BMAL1: variants seen among roughly 807,000 people sequenced by gnomAD.
The protein encoded by BMAL1 is basic helix-loop-helix ARNT-like protein 1.
the BMAL1 span, among the ~76,000 whole-genome samples, chr11:13,346,269 A>G: frequency 6.6e-6 from 1 of 152,228 alleles, no homozygotes; most frequent in Non-Finnish European, 1.5e-5. Context: ...CAGGCTGTGC[A>G]GAACCTTCCC....
At chr11:13,356,910 C>A in the BMAL1 span, 1 of 1,585,604 alleles carries the variant, frequency 6.3e-7, no homozygotes. Flanking sequence ...AGCCTGTGGG[C>A]GCTCACTGTG....
chr11:13,289,558 GA>G, the BMAL1 span, among the ~76,000 whole-genome samples: 1 of 152,112 alleles, frequency 6.6e-6, no homozygotes, highest in African/African-American at 2.4e-5. Context: ...ACAGGCCCCG[GA>G]GTGTGATGTT....
chr11:13,374,408 G>A, the BMAL1 span, among the ~76,000 whole-genome samples: 1 of 152,136 alleles, frequency 6.6e-6, no homozygotes, highest in African/African-American at 2.4e-5. Context: ...CTGACTGCAT[G>A]GCAGTTTCTG....
At chr11:13,309,362 G>A in the BMAL1 span, among the ~76,000 whole-genome samples, 1 of 152,168 alleles carries the variant, frequency 6.6e-6, no homozygotes, top group African/African-American at 2.4e-5. Context: ...CATCCTGGCT[G>A]TGGATTTGGG....
chr11:13,321,841 G>A, the BMAL1 span, among the ~76,000 whole-genome samples: 3 of 152,166 alleles, frequency 2.0e-5, no homozygotes, highest in African/African-American at 7.2e-5. Flanking sequence ...AGAATACACA[G>A]TGCCCTGAGA....
chr11:13,326,562 C>T, the BMAL1 span: 17 of 152,158 alleles, frequency 1.1e-4, no homozygotes, highest in African/African-American at 4.1e-4. Context: ...TGAAGCTTGC[C>T]ACTGCTTAGT....
At chr11:13,337,011 A>G in the BMAL1 span, among the ~76,000 whole-genome samples, 3 of 152,234 alleles carry the variant, frequency 2.0e-5, no homozygotes, top group African/African-American at 7.2e-5. Flanking sequence ...GCTTAGTTCA[A>G]AGTAACACAA....
chr11:13,322,712 G>T, the BMAL1 span, among the ~76,000 whole-genome samples: 1 of 149,308 alleles, frequency 6.7e-6, no homozygotes, highest in African/African-American at 2.5e-5. Context: ...TGCTGTGGGA[G>T]AAGAGAGGAT....
At chr11:13,360,306 A>G in the BMAL1 span, 3 of 1,562,894 alleles carry the variant, frequency 1.9e-6, no homozygotes, top group Non-Finnish European at 2.6e-6. Flanking sequence ...CATTTTCTGA[A>G]TATCAAGTAT....
the BMAL1 span, among the ~76,000 whole-genome samples, chr11:13,313,305 C>T: frequency 6.6e-6 from 1 of 152,082 alleles, no homozygotes; most frequent in Non-Finnish European, 1.5e-5. Context: ...TGGCTTGGTC[C>T]CTTTCACGTC....
the BMAL1 span, among the ~76,000 whole-genome samples, chr11:13,360,156 A>ATC: frequency 6.6e-6 from 1 of 152,184 alleles, no homozygotes; most frequent in Non-Finnish European, 1.5e-5. Context: ...TCTTCCATGG[A>ATC]ATTCTCTTTG....
At chr11:13,290,240 C>T in the BMAL1 span, among the ~76,000 whole-genome samples, 6 of 152,174 alleles carry the variant, frequency 3.9e-5, no homozygotes, top group Non-Finnish European at 5.9e-5. Context: ...AAGATGATTA[C>T]ATTTCACCCC....
At chr11:13,293,679 G>A in the BMAL1 span, among the ~76,000 whole-genome samples, 1 of 152,256 alleles carries the variant, frequency 6.6e-6, no homozygotes, top group Non-Finnish European at 1.5e-5. Context: ...GTAAAACTGG[G>A]TACCTAACAA....
the BMAL1 span, chr11:13,380,892 C>T: frequency 2.9e-6 from 1 of 348,540 alleles, no homozygotes; most frequent in Non-Finnish European, 5.3e-6. Context: ...AGAACAAATC[C>T]AGCTTGTCAT....
chr11:13,280,332 C>A, the BMAL1 span, among the ~76,000 whole-genome samples: 1 of 152,248 alleles, frequency 6.6e-6, no homozygotes, highest in South Asian at 2.1e-4. Flanking sequence ...TTTATCCCTT[C>A]ACACCAACAA....
chr11:13,319,159 C>G, the BMAL1 span, among the ~76,000 whole-genome samples: 26 of 152,230 alleles, frequency 1.7e-4, no homozygotes, highest in South Asian at 5.4e-3. Context: ...GTTATTTTTC[C>G]AAGTCCATAT....
chr11:13,363,012 C>A, the BMAL1 span, among the ~76,000 whole-genome samples: 1 of 150,958 alleles, frequency 6.6e-6, no homozygotes, highest in East Asian at 2.0e-4. Flanking sequence ...TTCAACAAAC[C>A]CTTTTGTGTA....
the BMAL1 span, among the ~76,000 whole-genome samples, chr11:13,308,107 T>C: frequency 6.6e-6 from 1 of 152,078 alleles, no homozygotes; most frequent in South Asian, 2.1e-4. Flanking sequence ...TCTGAATACA[T>C]TTTGAAGGTA....
chr11:13,342,128 C>T, the BMAL1 span, among the ~76,000 whole-genome samples: 1 of 152,204 alleles, frequency 6.6e-6, no homozygotes, highest in Non-Finnish European at 1.5e-5. Flanking sequence ...ATGTGGTCCT[C>T]CAGGTAAAGC....
Sources: allele counts gnomAD v4.1 joint callset (sites outside exome capture counted in the v4.1 genomes callset), GRCh38; gene constraint gnomAD v4.1.1; transcripts MANE v1.5; gene names NCBI Gene and HGNC (gene_info 2026-07-23, HGNC 2026-07-21).